Variants in SGCZ observed in about 807,000 individuals in gnomAD.
SGCZ encodes sarcoglycan zeta, also known as zeta-sarcoglycan.
A neutral mutation model predicts 41.3 loss-of-function variants in SGCZ; 40 were observed. The observed-to-expected ratio is 0.97, with a 90% CI of 0.75 to 1.26. The LOEUF is 1.26. Ranked by LOEUF, SGCZ falls within the 50% of genes most tolerant of loss-of-function variation. The pLI is 0.00. For missense variants in SGCZ, 552 were observed against 369.8 expected, an observed-to-expected ratio of 1.49 and a Z score of -4.04; for synonymous variants, 206 against 137.5, an observed-to-expected ratio of 1.50 and a Z score of -3.49.
chr8:14,854,389 G>C (rs2130662831), intron 1 of SGCZ, among the ~76,000 whole-genome samples: 1 of 152,004 alleles, frequency 6.6e-6, no homozygotes, highest in African/African-American at 2.4e-5. Context: ...AGTTTATTTA[G>C]ACTCAACATT....
intron 3 of SGCZ, among the ~76,000 whole-genome samples, chr8:14,275,476 T>C (rs528703927): frequency 6.6e-6 from 1 of 152,296 alleles, no homozygotes; most frequent in South Asian, 2.1e-4. Flanking sequence ...TCTTCATGTG[T>C]CAAAGGGAGG....
At chr8:15,130,503 A>G (rs1298774674) in intron 1 of SGCZ, among the ~76,000 whole-genome samples, 2 of 152,246 alleles carry the variant, frequency 1.3e-5, no homozygotes, top group African/African-American at 4.8e-5. Flanking sequence ...TAAATATTAC[A>G]GGAAGCTAAA....
At chr8:14,440,607 A>G (rs1003959499) in intron 2 of SGCZ, among the ~76,000 whole-genome samples, 3 of 152,120 alleles carry the variant, frequency 2.0e-5, no homozygotes, top group African/African-American at 7.2e-5. Context: ...AAAATTGTTA[A>G]ATAATTGTCC....
chr8:15,150,690 A>G (rs761649396), intron 1 of SGCZ, among the ~76,000 whole-genome samples: 30 of 152,224 alleles, frequency 2.0e-4, no homozygotes, highest in Non-Finnish European at 3.4e-4. Context: ...AAGAGAAACA[A>G]AGAAGCTGAC....
At chr8:14,152,529 G>C (rs1490078855) in intron 5 of SGCZ, among the ~76,000 whole-genome samples, 2 of 152,132 alleles carry the variant, frequency 1.3e-5, no homozygotes, top group African/African-American at 4.8e-5. Flanking sequence ...CTACACAGCT[G>C]TTATCATATG....
chr8:14,849,741 A>C (rs2130650212), intron 1 of SGCZ, among the ~76,000 whole-genome samples: 1 of 152,268 alleles, frequency 6.6e-6, no homozygotes, highest in South Asian at 2.1e-4. Context: ...TAATGAATGT[A>C]TACTTATGTC....
chr8:14,228,839 G>T (rs977228), intron 4 of SGCZ, among the ~76,000 whole-genome samples: 54,234 of 151,902 alleles, frequency 0.36, 10,136 homozygotes, highest in Non-Finnish European at 0.42. Context: ...GTCTGGAAAA[G>T]GAAAAATTTC....
At chr8:14,264,767 C>G (rs914977315) in intron 3 of SGCZ, among the ~76,000 whole-genome samples, 1 of 152,110 alleles carries the variant, frequency 6.6e-6, no homozygotes, top group Non-Finnish European at 1.5e-5. Flanking sequence ...CAAGACCATC[C>G]TGGCTAACAC....
At chr8:15,221,630 AAGGATTCCTACTGTTATGCAGT>A (rs1185296733) in intron 1 of SGCZ, among the ~76,000 whole-genome samples, 1 of 152,194 alleles carries the variant, frequency 6.6e-6, no homozygotes, top group East Asian at 1.9e-4. Flanking sequence ...TGGTGACTTG[AAGGATTCCTACTGTTATGCAGT>A]AGGAAGAATC....
chr8:15,223,114 CT>C (rs1188818571), intron 1 of SGCZ, among the ~76,000 whole-genome samples: 1 of 152,072 alleles, frequency 6.6e-6, no homozygotes, highest in African/African-American at 2.4e-5. Flanking sequence ...TAAAGCATAC[CT>C]TATGATGCCT....
intron 1 of SGCZ, among the ~76,000 whole-genome samples, chr8:14,948,655 A>C (rs1049160173): frequency 6.6e-6 from 1 of 152,176 alleles, no homozygotes; most frequent in South Asian, 2.1e-4. Flanking sequence ...AAGGTCACTA[A>C]CTACCTCCTA....
chr8:14,473,876 T>C (rs1801282417), intron 2 of SGCZ, among the ~76,000 whole-genome samples: 2 of 150,302 alleles, frequency 1.3e-5, no homozygotes, highest in South Asian at 4.2e-4. Context: ...AGACAGAGCT[T>C]GCAGTGAGCC....
At chr8:15,032,633 C>G (rs186986200) in intron 1 of SGCZ, among the ~76,000 whole-genome samples, 2 of 152,270 alleles carry the variant, frequency 1.3e-5, no homozygotes, top group African/African-American at 4.8e-5. Flanking sequence ...ACTCCAGGCT[C>G]TATGCTGCCC....
At chr8:14,682,672 G>C (rs1808487652) in intron 1 of SGCZ, among the ~76,000 whole-genome samples, 1 of 152,120 alleles carries the variant, frequency 6.6e-6, no homozygotes, top group Non-Finnish European at 1.5e-5. Flanking sequence ...CTGACCTTGT[G>C]ATCGGCCCGC....
intron 1 of SGCZ, among the ~76,000 whole-genome samples, chr8:14,844,635 C>T (rs762831892): frequency 4.6e-5 from 7 of 151,938 alleles, no homozygotes; most frequent in South Asian, 2.1e-4. Flanking sequence ...TGTTTTTTTC[C>T]GAGCACATGA....
chr8:14,575,932 A>AAAAAAAAAAG (rs1563126402), intron 1 of SGCZ, among the ~76,000 whole-genome samples: 4 of 136,440 alleles, frequency 2.9e-5, no homozygotes, highest in Admixed American at 7.3e-5. Flanking sequence ...AAAAAAAAAA[A>AAAAAAAAAAG]AAAGAAAGAA....
chr8:14,627,235 C>A (rs1806491957), intron 1 of SGCZ, among the ~76,000 whole-genome samples: 3 of 152,156 alleles, frequency 2.0e-5, no homozygotes, highest in Admixed American at 2.0e-4. Context: ...GAAGACACCA[C>A]ACAGAACCTT....
At chr8:14,374,342 C>G (rs540185305) in intron 2 of SGCZ, among the ~76,000 whole-genome samples, 56 of 151,340 alleles carry the variant, frequency 3.7e-4, no homozygotes, top group African/African-American at 1.3e-3. Context: ...GACCCTGTCT[C>G]AAAAAGAAAG....
In SGCZ at chr8:14,707,329, A is replaced by G. The variant is rs188070140; in HGVS notation, c.40-152403T>C. On this transcript the variant is annotated intron_variant, in intron 1 of 7. Coordinates refer to ENST00000382080, the MANE Select transcript of SGCZ (RefSeq NM_139167.4). Reference sequence around the variant, plus strand: ...CAGTGAGCTCTTGATGTGTGTACACATGTATTCAGCCATTAGAAAATTTAA... The same window carrying G: ...CAGTGAGCTCTTGATGTGTGTACACGTGTATTCAGCCATTAGAAAATTTAA... 8.9e-3 allele frequency among the ~76,000 whole-genome samples: 1,350 copies of G among 152,132 alleles called. 17 individuals are homozygous for G. Among genetic ancestry groups the G allele is most frequent in the African/African-American group, 0.031 (1,276 of 41,500 alleles).
Sources: allele counts gnomAD v4.1 joint callset (sites outside exome capture counted in the v4.1 genomes callset), GRCh38; gene constraint gnomAD v4.1.1; transcripts MANE v1.5; gene names NCBI Gene and HGNC (gene_info 2026-07-23, HGNC 2026-07-21).